NAALADL2: variants seen among roughly 807,000 people sequenced by gnomAD.
NAALADL2 encodes the protein inactive N-acetylated-alpha-linked acidic dipeptidase-like protein 2.
Under a neutral mutation model 87.2 loss-of-function variants are expected in NAALADL2, and 76 were observed. The ratio of observed to expected loss-of-function variants is 0.87; its 90% CI spans 0.72 to 1.05. The LOEUF (loss-of-function observed/expected upper bound fraction) is 1.05, where lower values mean the gene tolerates loss of function less well. NAALADL2 is among the 50% of genes least tolerant of loss of function. The pLI is 0.00. For missense variants in NAALADL2, 1,089 were observed against 945.8 expected, an observed-to-expected ratio of 1.15 and a Z score of -1.99; for synonymous variants, 354 against 331.0, an observed-to-expected ratio of 1.07 and a Z score of -0.75.
At chr3:174,549,762 C>T (rs1711894837) in intron 1 of NAALADL2, among the ~76,000 whole-genome samples, 1 of 152,094 alleles carries the variant, frequency 6.6e-6, no homozygotes, top group Non-Finnish European at 1.5e-5. Flanking sequence ...GAAGTATCCC[C>T]AAACTGGAGG....
chr3:174,715,486 G>T (rs1054796031), intron 2 of NAALADL2, among the ~76,000 whole-genome samples: 1 of 152,044 alleles, frequency 6.6e-6, no homozygotes, highest in African/African-American at 2.4e-5. Context: ...TTATCCCTGG[G>T]CTTAGATTGA....
chr3:175,742,780 TAA>T (rs968729326), intron 12 of NAALADL2, among the ~76,000 whole-genome samples: 8 of 152,248 alleles, frequency 5.3e-5, no homozygotes, highest in African/African-American at 1.9e-4. Context: ...ATTTTTATGC[TAA>T]GTTTGATGAA....
At chr3:175,394,091 A>G (rs1769448645) in intron 5 of NAALADL2, among the ~76,000 whole-genome samples, 1 of 152,112 alleles carries the variant, frequency 6.6e-6, no homozygotes, top group South Asian at 2.1e-4. Flanking sequence ...CAGATAGCCA[A>G]TATACTCTTT....
Position 175,097,102 on chromosome 3 carries a change from G to A in NAALADL2, c.356G>A (p.Arg119His), listed in dbSNP as rs760832134. 39 of 1,613,538 alleles carry A rather than the reference G, an allele frequency of 2.4e-5. No individual in the cohort carries two copies. The highest frequency in any genetic ancestry group is 8.0e-5 in the African/African-American group (6 of 74,908). Residue 119 changes from arginine to histidine, a missense_variant, in exon 2 of 14, where the codon CGC becomes CAC. Physicochemically the swap from Arg to His is conservative, Grantham distance 29. Coordinates refer to ENST00000454872, the MANE Select transcript of NAALADL2 (RefSeq NM_207015.3). ...ACACGATCTGCACCAAAGAGCAATCGCTGCAACTTTTGCCACGTCTTAAAA... is the reference window on the plus strand; with the variant it reads ...ACACGATCTGCACCAAAGAGCAATCACTGCAACTTTTGCCACGTCTTAAAA... ...HYTRSAPKSN[R>H]CNFCHVLKIL...
chr3:175,531,480 G>A (rs1348040660), intron 9 of NAALADL2, among the ~76,000 whole-genome samples: 4 of 152,162 alleles, frequency 2.6e-5, no homozygotes, highest in East Asian at 1.9e-4. Context: ...CTTGCTCACT[G>A]GATCCAATCA....
chr3:174,811,355 G>A (rs1268233604), intron 3 of NAALADL2, among the ~76,000 whole-genome samples: 1 of 152,178 alleles, frequency 6.6e-6, no homozygotes, highest in Admixed American at 6.5e-5. Flanking sequence ...GCTGCACCCT[G>A]TAAAGCCACA....
intron 11 of NAALADL2, among the ~76,000 whole-genome samples, chr3:175,731,302 T>C (rs1743707197): frequency 6.6e-6 from 1 of 152,158 alleles, no homozygotes; most frequent in Admixed American, 6.5e-5. Context: ...GAGAGAATGA[T>C]GTTTGAAAAC....
intron 3 of NAALADL2, among the ~76,000 whole-genome samples, chr3:174,772,284 T>A (rs533667275): frequency 2.6e-5 from 4 of 152,312 alleles, no homozygotes; most frequent in African/African-American, 9.6e-5. Flanking sequence ...TTTTCCAGCA[T>A]AATTTATTAC....
At chr3:174,673,831 T>C (rs1419033423) in intron 2 of NAALADL2, among the ~76,000 whole-genome samples, 1 of 152,070 alleles carries the variant, frequency 6.6e-6, no homozygotes, top group East Asian at 1.9e-4. Context: ...AAAGAAATGA[T>C]AAATCCTCAA....
At chr3:174,623,462 G>GTATATAAA (rs1721242142) in intron 2 of NAALADL2, among the ~76,000 whole-genome samples, 1 of 152,030 alleles carries the variant, frequency 6.6e-6, no homozygotes, top group East Asian at 1.9e-4. Context: ...GGTACTAAAT[G>GTATATAAA]ATAGACTAGT....
intron 9 of NAALADL2, among the ~76,000 whole-genome samples, chr3:175,507,099 C>T (rs1730439968): frequency 6.6e-6 from 1 of 151,266 alleles, no homozygotes; most frequent in East Asian, 1.9e-4. Context: ...TTTTTCCTAC[C>T]CTTAGGAAAA....
intron 11 of NAALADL2, among the ~76,000 whole-genome samples, chr3:175,648,935 T>G (rs1560912045): frequency 6.6e-6 from 1 of 152,286 alleles, no homozygotes; most frequent in East Asian, 1.9e-4. Flanking sequence ...AGTATTTAGT[T>G]CAGAAATAAA....
chr3:174,500,919 A>G (rs1456564672), intron 1 of NAALADL2, among the ~76,000 whole-genome samples: 1 of 151,152 alleles, frequency 6.6e-6, no homozygotes, highest in Non-Finnish European at 1.5e-5. Flanking sequence ...TGCAGTGGCA[A>G]AGTCTCAGCT....
chr3:175,752,903 G>A (rs1408655510), intron 12 of NAALADL2, among the ~76,000 whole-genome samples: 3 of 152,062 alleles, frequency 2.0e-5, no homozygotes. Flanking sequence ...TAATCTAAAT[G>A]TGCTGTATCC....
chr3:174,473,696 T>A (rs1717045388), intron 1 of NAALADL2, among the ~76,000 whole-genome samples: 1 of 152,088 alleles, frequency 6.6e-6, no homozygotes, highest in Admixed American at 6.6e-5. Context: ...AGGAGAGAGA[T>A]GGTGACAATA....
intron 2 of NAALADL2, chr3:174,551,033 G>A (rs1188437718): frequency 1.3e-5 from 2 of 152,034 alleles, no homozygotes; most frequent in African/African-American, 4.8e-5. Context: ...TAGGGTACAT[G>A]TGCACAATGT....
chr3:174,759,048 CT>C (rs1422066507), intron 3 of NAALADL2, among the ~76,000 whole-genome samples: 4 of 152,066 alleles, frequency 2.6e-5, no homozygotes, highest in South Asian at 2.1e-4. Context: ...CATCTACATA[CT>C]TTTTTTTCTT....
chr3:175,752,590 T>C (rs1269015660), intron 12 of NAALADL2, among the ~76,000 whole-genome samples: 2 of 152,172 alleles, frequency 1.3e-5, no homozygotes, highest in African/African-American at 4.8e-5. Context: ...ACTTTTCAAT[T>C]TGTAACCTCA....
intron 4 of NAALADL2, among the ~76,000 whole-genome samples, chr3:175,259,648 C>A (rs985541929): frequency 6.6e-6 from 1 of 152,058 alleles, no homozygotes; most frequent in Admixed American, 6.5e-5. Context: ...TCTACTTTTC[C>A]GTTATATTTT....
Sources: gnomAD v4.1 joint callset for allele counts (sites outside exome capture counted in the v4.1 genomes callset) on GRCh38, gnomAD v4.1.1 for gene constraint, MANE v1.5 for transcripts, NCBI Gene and HGNC (gene_info 2026-07-23, HGNC 2026-07-21) for gene names.